The following PRKG2 variants were observed in gnomAD, a reference collection of about 807,000 sequenced individuals.
PRKG2 encodes the protein cGMP-dependent protein kinase 2.
A neutral mutation model predicts 97.2 loss-of-function variants in PRKG2; 33 were observed. The observed-to-expected ratio is 0.34, with a 90% CI of 0.26 to 0.45. PRKG2 has a LOEUF of 0.45. Among genes scored for constraint, PRKG2 ranks in the 20% least tolerant of loss-of-function variants. The pLI, the probability that PRKG2 is intolerant of heterozygous loss-of-function variation, is 1.00. For synonymous variants in PRKG2, 330 were observed against 321.8 expected (o/e 1.03, Z -0.27); for missense variants, 638 against 900.0 (o/e 0.71, Z 3.73).
chr4:81,114,608 T>C (rs1744323659), intron 14 of PRKG2, among the ~76,000 whole-genome samples: 1 of 152,194 alleles, frequency 6.6e-6, no homozygotes, highest in Non-Finnish European at 1.5e-5. Flanking sequence ...GTGATTATTT[T>C]TAATTTTCAA....
intron 17 of PRKG2, among the ~76,000 whole-genome samples, chr4:81,100,281 G>A (rs1406271032): frequency 6.6e-6 from 1 of 152,156 alleles, no homozygotes; most frequent in African/African-American, 2.4e-5. Context: ...AAAGAACAAA[G>A]GTGGAGGCAT....
rs1431779776 is a variant in PRKG2, at chr4:81,100,727, A to C, written c.2126+3643T>G. Among the ~76,000 whole-genome samples, 12 of 152,308 alleles carry C rather than the reference A, an allele frequency of 7.9e-5. No homozygotes were observed. In the East Asian group the frequency reaches 2.1e-3, roughly 27 times the overall value. On this transcript the variant is annotated intron_variant, in intron 17 of 18. Transcript: ENST00000264399. Reference sequence around the variant, plus strand: ...CAAAATTGACAAATGAGATCTAATTAAACTAAAGAGCTTCTGCACAGCAAA... The same window carrying C: ...CAAAATTGACAAATGAGATCTAATTCAACTAAAGAGCTTCTGCACAGCAAA...
intron 17 of PRKG2, among the ~76,000 whole-genome samples, chr4:81,100,807 A>G (rs1447166071): frequency 1.3e-5 from 2 of 152,218 alleles, no homozygotes; most frequent in South Asian, 2.1e-4. Context: ...ACATTTCTGC[A>G]ATCTACTCAT....
At chr4:81,175,625 T>C (rs888288704) in intron 2 of PRKG2, 2 of 152,112 alleles carry the variant, frequency 1.3e-5, no homozygotes, top group African/African-American at 2.4e-5. Context: ...GTGACAGTGA[T>C]AGTCTAGGTT....
At chr4:81,095,329 A>G (rs922821411) in intron 17 of PRKG2, among the ~76,000 whole-genome samples, 2 of 152,180 alleles carry the variant, frequency 1.3e-5, no homozygotes, top group African/African-American at 4.8e-5. Flanking sequence ...GTAAAACCAC[A>G]GAAGTCCTCT....
chr4:81,104,267 A>T, intron 17 of PRKG2, 103 bp downstream of exon 17: 1 of 683,216 alleles, frequency 1.5e-6, no homozygotes, highest in Non-Finnish European at 2.2e-6. Flanking sequence ...AAAATTTGAA[A>T]GTCTGGAAAG....
At chr4:81,198,165 C>T (rs1317412449) in intron 2 of PRKG2, among the ~76,000 whole-genome samples, 2 of 152,146 alleles carry the variant, frequency 1.3e-5, no homozygotes, top group African/African-American at 4.8e-5. Flanking sequence ...TTCCTAACGC[C>T]TAGCAACTAA....
chr4:81,168,840 C>T (rs1298194227), intron 5 of PRKG2, among the ~76,000 whole-genome samples: 2 of 151,674 alleles, frequency 1.3e-5, no homozygotes, highest in Non-Finnish European at 2.9e-5. Context: ...GATTCTCATG[C>T]TAGAAAAAAT....
chr4:81,175,388 A>G (rs1361453422), intron 2 of PRKG2: 1 of 152,560 alleles, frequency 6.6e-6, no homozygotes, highest in Non-Finnish European at 1.5e-5. Flanking sequence ...TAGTTATTTT[A>G]TATTTTATTT....
At chr4:81,162,616 C>T (rs190370683) in intron 6 of PRKG2, among the ~76,000 whole-genome samples, 55 of 152,182 alleles carry the variant, frequency 3.6e-4, no homozygotes, top group African/African-American at 1.2e-3. Context: ...TGATATTTGG[C>T]GTGTCTTTGC....
rs1416300691 is a variant in PRKG2, at chr4:81,098,228, G to A, written c.2127-5776C>T. Among the ~76,000 whole-genome samples, 9 of 152,210 alleles carry A rather than the reference G, an allele frequency of 5.9e-5. No individual in the cohort carries two copies. In the East Asian group the frequency reaches 7.7e-4, roughly 13 times the overall value. ...CCTGTACTGGATGCTTCTTGCCCTC[G>A]AACATCGGACTCGAAGTTCTTCAGT... On this transcript the variant is annotated intron_variant, in intron 17 of 18. Coordinates refer to ENST00000264399, the MANE Select transcript of PRKG2 (RefSeq NM_006259.3).
intron 2 of PRKG2, among the ~76,000 whole-genome samples, chr4:81,185,059 A>T (rs1751751365): frequency 6.6e-6 from 1 of 152,228 alleles, no homozygotes; most frequent in Non-Finnish European, 1.5e-5. Context: ...ACTCTGCAGG[A>T]TATTATCCAG....
Position 81,142,839 on chromosome 4 carries a change from CTCAAGGT to C in PRKG2, c.1355_1361del (p.Asn452ArgfsTer19). On this transcript the variant is annotated frameshift_variant, in exon 11 of 19. Coordinates refer to ENST00000264399, the MANE Select transcript of PRKG2 (RefSeq NM_006259.3). LOFTEE classifies it high-confidence loss of function. ...CACCAACGCCCAGTGTTGCAATAAT[CTCAAGGT>C]TCTGGAATGGGGATGATGAGGAAAA... 6.2e-7 allele frequency: 1 copy of C among 1,612,656 alleles called. No homozygotes were observed. The highest frequency in any genetic ancestry group is 8.5e-7 in the Non-Finnish European group (1 of 1,179,058).
chr4:81,154,679 C>G (rs1412557817), intron 6 of PRKG2, among the ~76,000 whole-genome samples: 1 of 152,058 alleles, frequency 6.6e-6, no homozygotes, highest in African/African-American at 2.4e-5. Flanking sequence ...AAAAACAGAG[C>G]AGAAAAACTA....
At chr4:81,111,407 T>C (rs890395537) in intron 14 of PRKG2, among the ~76,000 whole-genome samples, 10 of 148,776 alleles carry the variant, frequency 6.7e-5, no homozygotes, top group African/African-American at 2.6e-4. Flanking sequence ...ATTAATATTA[T>C]ATCATGTTAT....
At position 81,137,403 on chromosome 4, in the gene PRKG2, A is replaced by G; in HGVS notation, c.1624T>C (p.Leu542=). The G allele has an allele frequency of 1.2e-6, 2 of 1,608,674 alleles. No homozygotes were observed. Among genetic ancestry groups the G allele is most frequent in the South Asian group, 1.1e-5 (1 of 90,958 alleles). ...ACLGGELWSI[L]RDRGSFDEPT... is the part of the protein sequence containing the mutation. ...AAACTTTTTCATTACCTGTCCCTTA[A>G]TATACTCCAGAGCTCCCCACCTAAG... Residue 542 remains leucine, a synonymous_variant, in exon 13 of 19, where the codon TTA becomes CTA. Coordinates refer to ENST00000264399, the MANE Select transcript of PRKG2 (RefSeq NM_006259.3).
chr4:81,163,470 T>C (rs551633823), intron 6 of PRKG2, among the ~76,000 whole-genome samples: 4 of 152,274 alleles, frequency 2.6e-5, no homozygotes, highest in Non-Finnish European at 5.9e-5. Flanking sequence ...GTACTCCCAA[T>C]ACACACACAA....
Position 81,196,858 on chromosome 4 carries a change from A to G in PRKG2, c.461+7729T>C, listed in dbSNP as rs1185819200. Among the ~76,000 whole-genome samples the G allele has an allele frequency of 2.0e-5, 3 of 152,306 alleles. No individual in the cohort carries two copies. The East Asian group carries it at 5.8e-4, about 29-fold the overall frequency. ...TCTAGGGAGAGTCAGCAGAAAGAAG[A>G]CAAATCATTTTAAAGTGAGACTTTA... On this transcript the variant is annotated intron_variant, in intron 2 of 18. Transcript: ENST00000264399.
chr4:81,091,372 T>C (rs182850582), intron 18 of PRKG2, among the ~76,000 whole-genome samples: 2 of 152,074 alleles, frequency 1.3e-5, no homozygotes, highest in Non-Finnish European at 2.9e-5. Context: ...AAGCTCCACC[T>C]CCTGAGTTCA....
Sources: gnomAD v4.1 joint callset for allele counts (sites outside exome capture counted in the v4.1 genomes callset) on GRCh38, gnomAD v4.1.1 for gene constraint, MANE v1.5 for transcripts, NCBI Gene and HGNC (gene_info 2026-07-23, HGNC 2026-07-21) for gene names.